The following IL3RA variants were observed in gnomAD, a reference collection of about 807,000 sequenced individuals.
IL3RA encodes the protein interleukin-3 receptor subunit alpha.
IL3RA carries 73 observed loss-of-function variants against 52.3 expected under a neutral mutation model. The observed-to-expected ratio is 1.40, with a 90% CI of 1.16 to 1.70. The LOEUF (loss-of-function observed/expected upper bound fraction) is 1.70. IL3RA is among the 40% of genes most tolerant of loss of function. The probability of loss-of-function intolerance (pLI) is 0.00; values close to 1 mark genes in which losing one functional copy is unlikely to be tolerated. For missense variants in IL3RA, 664 were observed against 504.4 expected (o/e 1.32, Z -3.03); for synonymous variants, 260 against 194.0 (o/e 1.34, Z -2.83).
At chrX:1,346,871 C>T (rs780058954) in intron 3 of IL3RA, among the ~76,000 whole-genome samples, 7 of 151,326 alleles carry the variant, frequency 4.6e-5, no homozygotes, top group Admixed American at 6.6e-5. Flanking sequence ...ATTCAAATCA[C>T]GGCCCTTCAT....
At chrX:1,368,386 A>G (rs1257426643) in intron 9 of IL3RA, among the ~76,000 whole-genome samples, 1 of 152,104 alleles carries the variant, frequency 6.6e-6, no homozygotes, top group Admixed American at 6.6e-5. Context: ...GGAGTTCGAG[A>G]CCAGCCTGAC....
intron 4 of IL3RA, among the ~76,000 whole-genome samples, chrX:1,351,857 G>A (rs1287896811): frequency 2.7e-5 from 4 of 150,194 alleles, no homozygotes; most frequent in South Asian, 2.1e-4. Flanking sequence ...CTCGAACTCC[G>A]GACCTCGGGT....
intron 3 of IL3RA, 137 bp downstream of exon 3, chrX:1,345,571 C>G (rs1218323802): frequency 4.6e-5 from 22 of 481,570 alleles, no homozygotes; most frequent in East Asian, 1.5e-4. Flanking sequence ...CTCTCTGCAA[C>G]CTCCACCTCC....
chrX:1,349,079 C>T (rs2085958688), intron 4 of IL3RA, among the ~76,000 whole-genome samples: 1 of 151,630 alleles, frequency 6.6e-6, no homozygotes. Flanking sequence ...GCAATCACAG[C>T]TTACTGCAGG....
intron 1 of IL3RA, among the ~76,000 whole-genome samples, chrX:1,337,266 C>T (rs1327238005): frequency 6.6e-6 from 1 of 152,208 alleles, no homozygotes; most frequent in Non-Finnish European, 1.5e-5. Flanking sequence ...TACACACCTA[C>T]ACATGGCTAG....
intron 8 of IL3RA, among the ~76,000 whole-genome samples, chrX:1,361,371 A>G (rs1175296499): frequency 6.6e-6 from 1 of 152,156 alleles, no homozygotes; most frequent in Non-Finnish European, 1.5e-5. Context: ...CTGGACTCAC[A>G]GTTCCATGTG....
intron 9 of IL3RA, among the ~76,000 whole-genome samples, chrX:1,368,710 A>G (rs1165150185): frequency 6.6e-6 from 1 of 150,706 alleles, no homozygotes; most frequent in African/African-American, 2.4e-5. Context: ...CCTGTGGGAC[A>G]CAGGGAGAAG....
intron 1 of IL3RA, among the ~76,000 whole-genome samples, chrX:1,340,656 CA>C (rs2085453605): frequency 6.6e-6 from 1 of 152,132 alleles, no homozygotes; most frequent in South Asian, 2.1e-4. Context: ...CATATGCATT[CA>C]AACACAAAGA....
At position 1,336,789 on chromosome X, in the gene IL3RA, G is replaced by A. The variant is rs1264962917; in HGVS notation, c.-176G>A. The A allele has an allele frequency of 1.3e-5, 2 of 152,106 alleles. No homozygotes were observed. Among genetic ancestry groups the A allele is most frequent in the South Asian group, 2.1e-4 (1 of 4,826 alleles). 9.4% of individuals were successfully genotyped at this position (152,106 alleles called of 1,614,324 possible). A position where few individuals can be genotyped will look rare whatever the true frequency, so the allele number is the denominator to read the frequency against. On this transcript the variant is annotated 5_prime_UTR_variant, in exon 1 of 12. Coordinates refer to ENST00000331035, the MANE Select transcript of IL3RA (RefSeq NM_002183.4). The stretch of plus-strand genomic sequence containing the variant: ...AGCTCAATCGGGGAGTACAACCTTC[G>A]GTTTCTCTTCGGGGAAAGCTGCTTT...
intron 10 of IL3RA, among the ~76,000 whole-genome samples, 186 bp from the exon 11 acceptor site, chrX:1,380,837 C>T (rs1253559808): frequency 2.0e-5 from 3 of 151,622 alleles, no homozygotes; most frequent in Admixed American, 6.6e-5. Context: ...TAGACACCAG[C>T]GCCTGCCTAT....
At chrX:1,358,710 C>T (rs1296194986) in intron 7 of IL3RA, 151 bp from the exon 8 acceptor site, 1 of 623,640 alleles carries the variant, frequency 1.6e-6, no homozygotes, top group African/African-American at 1.8e-5. Context: ...TACTCCTAAG[C>T]TCATTATTTT....
At chrX:1,346,856 A>G (rs1294173438) in intron 3 of IL3RA, among the ~76,000 whole-genome samples, 2 of 151,242 alleles carry the variant, frequency 1.3e-5, no homozygotes, top group East Asian at 3.8e-4. Flanking sequence ...TGTTCGTTCA[A>G]TACAATTCAA....
In IL3RA at chrX:1,344,990, A is replaced by G. The variant is rs749628633; in HGVS notation, c.65-326A>G. 8.5e-4 allele frequency among the ~76,000 whole-genome samples: 113 copies of G among 132,428 alleles called. 1 individual carries two copies. The highest frequency in any genetic ancestry group is 1.4e-3 in the Admixed American group (17 of 11,942). The allele number at this position is 132,428 out of a possible 152,430, so 86.9% of individuals were successfully genotyped here. On this transcript the variant is annotated intron_variant, in intron 2 of 11. Coordinates refer to ENST00000331035, the MANE Select transcript of IL3RA (RefSeq NM_002183.4). ...ATCCTGGCTAACACGGTGAAACGCC[A>G]TCTCTACTAAAAATACAAAAAAAAA...
intron 4 of IL3RA, among the ~76,000 whole-genome samples, chrX:1,349,174 A>G (rs1184584313): frequency 1.6e-5 from 2 of 126,598 alleles, no homozygotes; most frequent in African/African-American, 6.6e-5. Context: ...TGCCCACCTA[A>G]TTTTTTAAAC....
chrX:1,346,489 A>C (rs1344073642), intron 3 of IL3RA, among the ~76,000 whole-genome samples: 9 of 147,778 alleles, frequency 6.1e-5, no homozygotes, highest in South Asian at 2.2e-4. Context: ...TGCCTGTAAT[A>C]CCAGCTATTC....
At chrX:1,356,186 CTCCTAAA>C (rs11280138) in intron 6 of IL3RA, 28 bp from the exon 7 acceptor site, 136,165 of 1,268,040 alleles carry the variant, frequency 0.11, 7,472 homozygotes, top group Middle Eastern at 0.17. Context: ...ATTTCTTGTA[CTCCTAAA>C]TCCTAAAAGT....
chrX:1,377,292 G>T (rs1164783825), intron 9 of IL3RA, among the ~76,000 whole-genome samples: 3 of 152,100 alleles, frequency 2.0e-5, no homozygotes, highest in Non-Finnish European at 4.4e-5. Flanking sequence ...CCAGGCTGGA[G>T]TGCAGTGGCG....
At chrX:1,353,157 C>T (rs1228381351) in intron 6 of IL3RA, among the ~76,000 whole-genome samples, 1 of 149,214 alleles carries the variant, frequency 6.7e-6, no homozygotes, top group Non-Finnish European at 1.5e-5. Context: ...GTCATGGGAT[C>T]CCTCATCGTG....
At chrX:1,378,182 CAA>C (rs370693489) in intron 9 of IL3RA, among the ~76,000 whole-genome samples, 18 of 86,282 alleles carry the variant, frequency 2.1e-4, no homozygotes, top group Middle Eastern at 0.013. Context: ...GACTCCATCT[CAA>C]AAAAAAAAAA....
Sources: gnomAD v4.1 joint callset for allele counts (sites outside exome capture counted in the v4.1 genomes callset) on GRCh38, gnomAD v4.1.1 for gene constraint, MANE v1.5 for transcripts, NCBI Gene and HGNC (gene_info 2026-07-23, HGNC 2026-07-21) for gene names.